CGNL1: variants seen among roughly 807,000 people sequenced by gnomAD.
CGNL1 encodes cingulin like 1.
In CGNL1, 132 loss-of-function variants were observed where a neutral mutation model predicts 141.2. That is an observed-to-expected ratio of 0.93 (90% CI 0.81 to 1.08). The LOEUF (loss-of-function observed/expected upper bound fraction) is 1.08, where lower values mean the gene tolerates loss of function less well. Among genes scored for constraint, CGNL1 ranks in the 50% least tolerant of loss-of-function variants. CGNL1 has a pLI of 0.00. For synonymous variants in CGNL1, 690 were observed against 622.1 expected (o/e 1.11, Z -1.63); for missense variants, 1,870 against 1,588.6 (o/e 1.18, Z -3.01).
At position 57,396,208 on chromosome 15, in the gene CGNL1, A is replaced by T. The variant is rs554823150; in HGVS notation, c.-16+19641A>T. Reference sequence around the variant, plus strand: ...ATATGCCTCACTGTTGATCTCTTCTACTGTTGATGGACTTTGGTTGTTTTT... The same window carrying T: ...ATATGCCTCACTGTTGATCTCTTCTTCTGTTGATGGACTTTGGTTGTTTTT... On this transcript the variant is annotated intron_variant, in intron 1 of 18. Transcript: ENST00000281282. 1.6e-4 allele frequency among the ~76,000 whole-genome samples: 24 copies of T among 150,768 alleles called. No individual in the cohort carries two copies. The South Asian group carries it at 5.0e-3, about 32-fold the overall frequency.
chr15:57,528,568 G>T, intron 12 of CGNL1, 86 bp from the exon 13 acceptor site: 1 of 1,353,886 alleles, frequency 7.4e-7, no homozygotes, highest in Non-Finnish European at 1.0e-6. Context: ...TCTTCCTTTT[G>T]GTGGGGTCAG....
intron 1 of CGNL1, among the ~76,000 whole-genome samples, chr15:57,405,762 TTCTTTCTTTCTCTTTC>T (rs2062708946): frequency 6.9e-6 from 1 of 144,534 alleles, no homozygotes; most frequent in South Asian, 2.4e-4. Context: ...TTCTTTTTCT[TTCTTTCTTTCTCTTTC>T]TTTCTTTCTT....
At chr15:57,475,967 G>C (rs557003069) in intron 8 of CGNL1, among the ~76,000 whole-genome samples, 2 of 152,046 alleles carry the variant, frequency 1.3e-5, no homozygotes, top group Non-Finnish European at 2.9e-5. Context: ...AGGGTCTTTT[G>C]TCCCTCGGGT....
At position 57,543,833 on chromosome 15, in the gene CGNL1, C is replaced by G; in HGVS notation, c.3375+54C>G. 1.0e-5 allele frequency: 14 copies of G among 1,347,480 alleles called. No homozygotes were observed. The South Asian group carries it at 1.4e-4, about 14-fold the overall frequency. 83.5% of individuals were successfully genotyped at this position (1,347,480 alleles called of 1,614,324 possible). ...CCCCGTCCATCCGCTAACCCTCCCC[C>G]ACTTCACTGCTTTGAACTAGAAGCC... On this transcript the variant is annotated intron_variant, in intron 15 of 18. Coordinates refer to ENST00000281282, the MANE Select transcript of CGNL1 (RefSeq NM_032866.5).
intron 1 of CGNL1, among the ~76,000 whole-genome samples, chr15:57,423,992 C>T (rs2062945803): frequency 6.6e-6 from 1 of 152,180 alleles, no homozygotes; most frequent in African/African-American, 2.4e-5. Context: ...TCCTCCAGTC[C>T]CCGGCTTTAA....
At chr15:57,468,035 T>C (rs1017511679) in intron 8 of CGNL1, among the ~76,000 whole-genome samples, 6 of 152,074 alleles carry the variant, frequency 3.9e-5, no homozygotes, top group South Asian at 4.2e-4. Context: ...TTATAGGCTG[T>C]CTGAAATTTG....
chr15:57,489,907 G>A (rs1315083380), intron 8 of CGNL1, among the ~76,000 whole-genome samples: 1 of 152,192 alleles, frequency 6.6e-6, no homozygotes, highest in Admixed American at 6.5e-5. Flanking sequence ...AAATTAGAGA[G>A]ATTGTGAGGA....
At position 57,548,255 on chromosome 15, in the gene CGNL1, C is replaced by A. The variant is rs1378679079; in HGVS notation, c.*765C>A. The A allele has an allele frequency of 6.6e-6, 1 of 152,152 alleles. No homozygotes were observed. Among genetic ancestry groups the A allele is most frequent in the Non-Finnish European group, 1.5e-5 (1 of 68,062 alleles). 9.4% of individuals were successfully genotyped at this position (152,152 alleles called of 1,614,324 possible). A position where few individuals can be genotyped will look rare whatever the true frequency, so the allele number is the denominator to read the frequency against. On this transcript the variant is annotated 3_prime_UTR_variant, in exon 19 of 19. Transcript: ENST00000281282. Reference sequence around the variant, plus strand: ...ACCTCAGGTGATCCACCTGCCTCAGCCTCCCAAAGTGCTGAGATTACAGGC... The same window carrying A: ...ACCTCAGGTGATCCACCTGCCTCAGACTCCCAAAGTGCTGAGATTACAGGC...
At chr15:57,382,297 G>A (rs993959339) in intron 1 of CGNL1, among the ~76,000 whole-genome samples, 4 of 152,196 alleles carry the variant, frequency 2.6e-5, no homozygotes, top group Admixed American at 6.5e-5. Flanking sequence ...ATTTCAACCC[G>A]AGAAGGATCA....
chr15:57,540,997 G>A (rs1386238124), intron 14 of CGNL1, among the ~76,000 whole-genome samples: 1 of 152,224 alleles, frequency 6.6e-6, no homozygotes, highest in Non-Finnish European at 1.5e-5. Flanking sequence ...GATGGAGGCA[G>A]GCGCCTCTGG....
At chr15:57,454,172 A>T (rs1316533839) in intron 7 of CGNL1, among the ~76,000 whole-genome samples, 4 of 152,152 alleles carry the variant, frequency 2.6e-5, no homozygotes, top group Admixed American at 2.6e-4. Flanking sequence ...TTATCTCTGC[A>T]CCCATTTAGG....
intron 6 of CGNL1, among the ~76,000 whole-genome samples, chr15:57,452,681 C>T (rs1012220854): frequency 7.1e-6 from 1 of 140,780 alleles, no homozygotes; most frequent in Non-Finnish European, 1.6e-5. Context: ...GCATTTTATC[C>T]TCGATGGTGC....
At chr15:57,490,886 C>T (rs747125240) in intron 8 of CGNL1, among the ~76,000 whole-genome samples, 1 of 152,152 alleles carries the variant, frequency 6.6e-6, no homozygotes, top group Non-Finnish European at 1.5e-5. Context: ...ACTTTACCTT[C>T]ATGGTCTTTC....
chr15:57,461,934 A>G, intron 8 of CGNL1, 42 bp downstream of exon 8: 2 of 1,473,958 alleles, frequency 1.4e-6, no homozygotes, highest in Non-Finnish European at 1.9e-6. Context: ...GAACAGATGA[A>G]AGGGTAAGAC....
intron 1 of CGNL1, among the ~76,000 whole-genome samples, chr15:57,382,560 A>G (rs1203675376): frequency 6.6e-6 from 1 of 152,226 alleles, no homozygotes; most frequent in East Asian, 1.9e-4. Flanking sequence ...TCGACTGTTA[A>G]TAATCTTTTC....
chr15:57,459,439 G>A (rs2063419187), intron 7 of CGNL1, among the ~76,000 whole-genome samples: 1 of 152,222 alleles, frequency 6.6e-6, no homozygotes, highest in Non-Finnish European at 1.5e-5. Flanking sequence ...GCTAGAGTGA[G>A]ATGGGTATTC....
rs576766652 is a variant in CGNL1, at chr15:57,459,316, G to C, written c.2191-2364G>C. Among the ~76,000 whole-genome samples, 17 of 152,288 alleles carry C rather than the reference G, an allele frequency of 1.1e-4. 1 individual carries two copies. The highest frequency in any genetic ancestry group is 4.6e-4 in the Admixed American group (7 of 15,292). ...TATGCATCAAAAATATAATAAATCA[G>C]ATCTGTATCCTTCTTTCAACAAGGA... On this transcript the variant is annotated intron_variant, in intron 7 of 18. Coordinates refer to ENST00000281282, the MANE Select transcript of CGNL1 (RefSeq NM_032866.5).
chr15:57,545,623 C>T lies in CGNL1; in HGVS notation c.3532C>T (p.Arg1178Trp), dbSNP rs754249920. The change falls in exon 17 of 19, where the codon CGG (arginine) becomes TGG (tryptophan). Residue 1178 changes from arginine (R) to tryptophan (W), a missense_variant. Physicochemically the swap from Arg to Trp is moderately radical, Grantham distance 101. Transcript: ENST00000281282. ...DRANLQLSNR[R>W]LERKVKELVM... ...GGCCAATCTTCAGCTCAGCAACCGG[C>T]GGCTGGAGCGGAAAGTGAAGGAGCT... The T allele has an allele frequency of 3.4e-5, 55 of 1,613,424 alleles. No homozygotes were observed. The highest frequency in any genetic ancestry group is 2.5e-4 in the Admixed American group (15 of 59,988).
Position 57,438,844 on chromosome 15 carries a change from A to T in CGNL1, c.845A>T (p.Asp282Val), listed in dbSNP as rs775429835. The T allele has an allele frequency of 1.1e-5, 18 of 1,614,124 alleles. No homozygotes were observed. Among genetic ancestry groups the T allele is most frequent in the Non-Finnish European group, 1.5e-5 (18 of 1,180,028 alleles). The change falls in exon 2 of 19, where the codon GAT becomes GTT. Residue 282 changes from aspartate to valine, a missense_variant. Asp to Val is a radical substitution (Grantham distance 152, BLOSUM62 -3). Coordinates refer to ENST00000281282, the MANE Select transcript of CGNL1 (RefSeq NM_032866.5). ...GATGTTCTTCCCTTCCGGCGACAGG[A>T]TTCAGCGGGACCCGTCCTGGATGGA... ...RPDVLPFRRQ[D>V]SAGPVLDGAR...
Sources: allele counts gnomAD v4.1 joint callset (sites outside exome capture counted in the v4.1 genomes callset), GRCh38; gene constraint gnomAD v4.1.1; transcripts MANE v1.5; gene names NCBI Gene and HGNC (gene_info 2026-07-23, HGNC 2026-07-21).